TLN2: variants seen among roughly 807,000 people sequenced by gnomAD.
TLN2 encodes the protein talin 2.
TLN2 carries 118 observed loss-of-function variants against 294.7 expected under a neutral mutation model. The observed-to-expected ratio is 0.40, with a 90% CI of 0.34 to 0.47. The LOEUF is 0.47. TLN2 is among the 20% of genes least tolerant of loss of function. The pLI is 0.84. For missense variants in TLN2, 3,083 were observed against 3,282.2 expected (o/e 0.94, Z 1.48); for synonymous variants, 1,431 against 1,304.5 (o/e 1.10, Z -2.09).
At chr15:62,648,308 G>C (rs2052144504) in intron 4 of TLN2, among the ~76,000 whole-genome samples, 1 of 150,512 alleles carries the variant, frequency 6.6e-6, no homozygotes, top group African/African-American at 2.5e-5. Context: ...GTAGTCTCAG[G>C]GCAGGAAAGT....
chr15:62,573,297 C>G (rs569706080), intron 1 of TLN2, among the ~76,000 whole-genome samples: 7 of 152,152 alleles, frequency 4.6e-5, no homozygotes, highest in Non-Finnish European at 1.5e-5. Context: ...TTACCTGGCT[C>G]CACTGAGAGA....
In TLN2 at chr15:62,740,573, T is replaced by C; in HGVS notation, c.3886-57T>C. The C allele has an allele frequency of 2.5e-6, 4 of 1,606,762 alleles. No homozygotes were observed. In the Admixed American group the frequency reaches 6.7e-5, roughly 27 times the overall value. On this transcript the variant is annotated intron_variant, in intron 31 of 58. Coordinates refer to ENST00000636159, the MANE Select transcript of TLN2 (RefSeq NM_015059.3). ...AGGATGCTGCTCCTAGCTCTCTGAA[T>C]GCCTCCTTCAAGAAATGGACAGGCC...
At position 62,739,492 on chromosome 15, in the gene TLN2, G is replaced by A. The variant is rs1483875972; in HGVS notation, c.3832G>A (p.Asp1278Asn). The A allele has an allele frequency of 1.2e-6, 2 of 1,614,104 alleles. No individual in the cohort carries two copies. The highest frequency in any genetic ancestry group is 3.3e-5 in the Admixed American group (2 of 60,004). ...ELAAASGKFS[D>N]DFDEFLDAGI... is the part of the protein sequence containing the mutation. ...GGCTGCAGCCTCTGGAAAGTTCAGT[G>A]ATGATTTTGATGAATTCCTCGATGC... The change falls in exon 31 of 59, where the codon GAT becomes AAT. Residue 1278 changes from aspartate to asparagine, a missense_variant. By Grantham distance (23) the Asp-to-Asn change is conservative (BLOSUM62 1). Coordinates refer to ENST00000636159, the MANE Select transcript of TLN2 (RefSeq NM_015059.3).
intron 40 of TLN2, 68 bp from the exon 41 acceptor site, chr15:62,766,253 C>G: frequency 7.1e-7 from 1 of 1,404,904 alleles, no homozygotes. Context: ...TCAGAGGGGC[C>G]TTTTTGAATC....
chr15:62,574,041 T>C (rs1022955011), intron 1 of TLN2, among the ~76,000 whole-genome samples: 14 of 152,134 alleles, frequency 9.2e-5, no homozygotes, highest in Admixed American at 9.2e-4. Flanking sequence ...GGAAGGAGCC[T>C]TGGGACCAAA....
chr15:62,520,032 A>T (rs575209533), intron 1 of TLN2, among the ~76,000 whole-genome samples: 3 of 152,312 alleles, frequency 2.0e-5, no homozygotes, highest in African/African-American at 7.2e-5. Context: ...GGACCAGGTG[A>T]AAGGGGTTTC....
intron 2 of TLN2, among the ~76,000 whole-genome samples, chr15:62,601,151 C>T (rs531682650): frequency 6.6e-6 from 1 of 152,214 alleles, no homozygotes; most frequent in South Asian, 2.1e-4. Context: ...GGATAATTTT[C>T]CTTTCCAGTC....
At chr15:62,790,158 C>G (rs1364118816) in intron 45 of TLN2, among the ~76,000 whole-genome samples, 1 of 152,200 alleles carries the variant, frequency 6.6e-6, no homozygotes, top group East Asian at 1.9e-4. Context: ...AATTTGGTGG[C>G]TAAGGCTGTA....
At position 62,686,732 on chromosome 15, in the gene TLN2, T is replaced by G; in HGVS notation, c.1049T>G (p.Val350Gly). 1 of 1,613,842 alleles carries G rather than the reference T, an allele frequency of 6.2e-7. No homozygotes were observed. The highest frequency in any genetic ancestry group is 8.5e-7 in the Non-Finnish European group (1 of 1,179,918). The change falls in exon 12 of 59, where the codon GTG (valine) becomes GGG (glycine). Residue 350 changes from valine to glycine, a missense_variant. Physicochemically the swap from Val to Gly is moderately radical, Grantham distance 109. Transcript: ENST00000636159. ...CGCGTGGATGAGAAGACCAAGGAAG[T>G]GCTGCAGGAGTGGCCCCTCACCACC... ...VMRVDEKTKEVLQEWPLTTVK... is the reference protein window; with the variant it reads ...VMRVDEKTKEGLQEWPLTTVK...
At chr15:62,662,326 A>G (rs925599141) in intron 9 of TLN2, among the ~76,000 whole-genome samples, 18 of 152,234 alleles carry the variant, frequency 1.2e-4, no homozygotes, top group Admixed American at 6.5e-5. Flanking sequence ...TATCAGTTTA[A>G]AATATACCAG....
chr15:62,757,299 G>A (rs938841124), intron 37 of TLN2, among the ~76,000 whole-genome samples: 1 of 152,194 alleles, frequency 6.6e-6, no homozygotes, highest in African/African-American at 2.4e-5. Context: ...CATCTCTCCA[G>A]CCTGGGAAGA....
At chr15:62,656,154 G>T (rs1284454617) in intron 8 of TLN2, 68 bp downstream of exon 8, 37 of 1,583,476 alleles carry the variant, frequency 2.3e-5, no homozygotes, top group Non-Finnish European at 3.0e-5. Flanking sequence ...GTATCTTGTG[G>T]CGAGCAGGAG....
chr15:62,614,911 T>A (rs2048192142), intron 2 of TLN2, among the ~76,000 whole-genome samples: 1 of 152,168 alleles, frequency 6.6e-6, no homozygotes, highest in Admixed American at 6.5e-5. Context: ...GTTCAAGCGA[T>A]TCTCTAGCCT....
intron 2 of TLN2, among the ~76,000 whole-genome samples, chr15:62,593,643 C>T (rs1003905229): frequency 1.3e-5 from 2 of 152,132 alleles, no homozygotes; most frequent in African/African-American, 4.8e-5. Flanking sequence ...AGAACTTGAA[C>T]CTTTGAAAAC....
At chr15:62,623,284 A>T (rs1340920322) in intron 3 of TLN2, among the ~76,000 whole-genome samples, 2 of 152,236 alleles carry the variant, frequency 1.3e-5, no homozygotes, top group Admixed American at 6.5e-5. Context: ...ATGATTGTCT[A>T]CGGCTAAGCA....
intron 1 of TLN2, among the ~76,000 whole-genome samples, chr15:62,494,579 G>A (rs1439141802): frequency 1.3e-5 from 2 of 152,262 alleles, no homozygotes; most frequent in East Asian, 1.9e-4. Context: ...TTCCCCAGAT[G>A]TGATTAAATT....
chr15:62,556,424 A>G (rs2042608951), intron 1 of TLN2, among the ~76,000 whole-genome samples: 1 of 151,606 alleles, frequency 6.6e-6, no homozygotes, highest in African/African-American at 2.4e-5. Flanking sequence ...CTCGCACCTC[A>G]GCTTCCTGGG....
chr15:62,551,464 GT>G (rs2042299814), intron 1 of TLN2, among the ~76,000 whole-genome samples: 1 of 152,006 alleles, frequency 6.6e-6, no homozygotes, highest in South Asian at 2.1e-4. Flanking sequence ...GAGGTCAGGA[GT>G]TTGAGACCAG....
At position 62,467,752 on chromosome 15, in the gene TLN2, T is replaced by C. The variant is rs980612361; in HGVS notation, c.-238+77067T>C. 2.6e-5 allele frequency among the ~76,000 whole-genome samples: 4 copies of C among 152,184 alleles called. No homozygotes were observed. In the South Asian group the frequency reaches 8.3e-4, roughly 32 times the overall value. On this transcript the variant is annotated intron_variant, in intron 1 of 58. Transcript: ENST00000636159. ...AATTGCAAAATTTGCATGACATGAA[T>C]TTAAGCTAGAACACAGAACTTCATA... is the stretch of plus-strand genomic sequence containing the variant.
Sources: allele counts gnomAD v4.1 joint callset (sites outside exome capture counted in the v4.1 genomes callset), GRCh38; gene constraint gnomAD v4.1.1; transcripts MANE v1.5; gene names NCBI Gene and HGNC (gene_info 2026-07-23, HGNC 2026-07-21).